Variants in UBE2W observed in about 807,000 individuals in gnomAD.
UBE2W encodes ubiquitin conjugating enzyme E2 W.
A neutral mutation model predicts 27.2 loss-of-function variants in UBE2W; 18 were observed. The observed-to-expected ratio is 0.66, with a 90% CI of 0.46 to 0.98. UBE2W has a LOEUF of 0.98. Among genes scored for constraint, UBE2W ranks in the 50% least tolerant of loss-of-function variants. The pLI is 0.00. For missense variants in UBE2W, 90 were observed against 180.2 expected (o/e 0.50, Z 2.87); for synonymous variants, 53 against 57.2 (o/e 0.93, Z 0.33).
chr8:73,810,541 G>C lies in UBE2W; in HGVS notation c.299C>G (p.Ser100Cys). 1 of 1,612,918 alleles carries C rather than the reference G, an allele frequency of 6.2e-7. No individual in the cohort carries two copies. The highest frequency in any genetic ancestry group is 8.5e-7 in the Non-Finnish European group (1 of 1,179,528). The change falls in exon 4 of 6, where the codon TCC (serine) becomes TGC (cysteine). Residue 100 changes from serine (S) to cysteine (C), a missense_variant. Transcript: ENST00000602593. ...AACTGATTGGACTGAGAGCGCTGGGGACCAGTCTTCTGTTAGAATGGATAA... is the reference window on the plus strand; with the variant it reads ...AACTGATTGGACTGAGAGCGCTGGGCACCAGTCTTCTGTTAGAATGGATAA... Reference protein sequence around the residue: ...ICLSILTEDWSPALSVQSVCL... With the variant: ...ICLSILTEDWCPALSVQSVCL...
At chr8:73,865,404 A>G (rs946053755) in intron 1 of UBE2W, among the ~76,000 whole-genome samples, 2 of 152,212 alleles carry the variant, frequency 1.3e-5, no homozygotes, top group African/African-American at 4.8e-5. Context: ...CTTGAGCCCA[A>G]GAGTTCAAGA....
At position 73,789,322 on chromosome 8, in the gene UBE2W, A is replaced by AAAAT. The variant is rs1808096350; in HGVS notation, c.*4779_*4780insATTT. The AAAAT allele has an allele frequency of 3.5e-6, 1 of 285,056 alleles. No individual in the cohort carries two copies. Among genetic ancestry groups the AAAAT allele is most frequent in the East Asian group, 1.9e-4 (1 of 5,334 alleles). 17.7% of individuals were successfully genotyped at this position (285,056 alleles called of 1,614,324 possible). On this transcript the variant is annotated 3_prime_UTR_variant, in exon 6 of 6. Coordinates refer to ENST00000602593, the MANE Select transcript of UBE2W (RefSeq NM_018299.6). ...CTCGTGTCTTTAAAAAAAAAAAAAAAAAAAAAAAAAAAAAAAAAAATTCTA... is the reference window on the plus strand; with the variant it reads ...CTCGTGTCTTTAAAAAAAAAAAAAAAAAATAAAAAAAAAAAAAAAAAAAATTCTA...
chr8:73,868,657 A>G (rs556270125), intron 1 of UBE2W, among the ~76,000 whole-genome samples: 1 of 152,174 alleles, frequency 6.6e-6, no homozygotes, highest in East Asian at 1.9e-4. Context: ...TTAGTGCCAG[A>G]AATGAACTGC....
intron 3 of UBE2W, among the ~76,000 whole-genome samples, chr8:73,820,496 A>C (rs1809563676): frequency 6.6e-6 from 1 of 152,016 alleles, no homozygotes; most frequent in South Asian, 2.1e-4. Flanking sequence ...CAGTACTTTG[A>C]CAGGCCGAGG....
intron 1 of UBE2W, among the ~76,000 whole-genome samples, chr8:73,867,409 C>T (rs1563635143): frequency 1.3e-5 from 2 of 152,226 alleles, no homozygotes; most frequent in South Asian, 4.1e-4. Flanking sequence ...GTGGCACACG[C>T]CTGTAGTCCC....
rs1276953672 is a variant in UBE2W at position 73,799,788 on chromosome 8, T to A, written c.443-5673A>T. ...TTATCCAATTCTTAGTAAGCTTTTG[T>A]TCAGTTTCTGATCTTTCTGCCTAGC... On this transcript the variant is annotated intron_variant, in intron 5 of 5. Coordinates refer to ENST00000602593, the MANE Select transcript of UBE2W (RefSeq NM_018299.6). Among the ~76,000 whole-genome samples the A allele has an allele frequency of 2.0e-5, 3 of 152,224 alleles. No homozygotes were observed. In the East Asian group the frequency reaches 5.8e-4, roughly 29 times the overall value.
intron 1 of UBE2W, among the ~76,000 whole-genome samples, chr8:73,876,352 A>G (rs963666597): frequency 5.9e-5 from 9 of 152,220 alleles, no homozygotes; most frequent in Admixed American, 5.2e-4. Context: ...TAACAAAGAT[A>G]CAGAATAACC....
downstream of UBE2W, among the ~76,000 whole-genome samples, chr8:73,785,238 C>T (rs942137264): frequency 6.6e-6 from 1 of 152,054 alleles, no homozygotes; most frequent in East Asian, 1.9e-4. Flanking sequence ...CTCTGCCTCC[C>T]GGGTTCAAGC....
chr8:73,794,228 T>C, intron 5 of UBE2W, 113 bp from the exon 6 acceptor site: 1 of 1,307,174 alleles, frequency 7.7e-7, no homozygotes, highest in Non-Finnish European at 1.1e-6. Context: ...ATAGTTTACA[T>C]GTCTGATCTG....
chr8:73,792,090 A>C lies in UBE2W; in HGVS notation c.*2012T>G, dbSNP rs1282486968. On this transcript the variant is annotated 3_prime_UTR_variant, in exon 6 of 6. Coordinates refer to ENST00000602593, the MANE Select transcript of UBE2W (RefSeq NM_018299.6). ...CCAGAAGAAGATCAAGTCAAACAGT[A>C]GTGTAGAGCAGTTACGCAAAATATG... The C allele has an allele frequency of 5.1e-6, 5 of 985,202 alleles. No individual in the cohort carries two copies. The highest frequency in any genetic ancestry group is 6.0e-6 in the Non-Finnish European group (5 of 829,824). The allele number at this position is 985,202 out of a possible 1,614,324, so 61.0% of individuals were successfully genotyped here.
chr8:73,867,350 C>G (rs753748978), intron 1 of UBE2W, among the ~76,000 whole-genome samples: 1 of 152,136 alleles, frequency 6.6e-6, no homozygotes, highest in African/African-American at 2.4e-5. Context: ...TCCTGGCCAA[C>G]ACGGTGAAAC....
At position 73,827,454 on chromosome 8, in the gene UBE2W, T is replaced by C. The variant is rs181056093; in HGVS notation, c.108-2205A>G. The stretch of plus-strand genomic sequence containing the variant: ...GTCTCGAACTCCCGAACTCGGGTGA[T>C]CTGCCCGCCTCGGCGTCCCAAAGTG... On this transcript the variant is annotated intron_variant, in intron 2 of 5. Coordinates refer to ENST00000602593, the MANE Select transcript of UBE2W (RefSeq NM_018299.6). Among the ~76,000 whole-genome samples, 20 of 152,294 alleles carry C rather than the reference T, an allele frequency of 1.3e-4. No individual in the cohort carries two copies. In the East Asian group the frequency reaches 3.9e-3, roughly 29 times the overall value.
intron 5 of UBE2W, among the ~76,000 whole-genome samples, chr8:73,798,275 T>TGA (rs1808504935): frequency 6.6e-6 from 1 of 152,198 alleles, no homozygotes; most frequent in African/African-American, 2.4e-5. Context: ...CCAGCCTAAG[T>TGA]GACAGAGTGA....
intron 1 of UBE2W, among the ~76,000 whole-genome samples, chr8:73,856,545 T>A (rs113360615): frequency 0.24 from 36,577 of 151,170 alleles, 7,512 homozygotes; most frequent in African/African-American, 0.57. Context: ...TTGTATTTTT[T>A]GTAGAGACAG....
chr8:73,805,192 G>A (rs911793284), intron 5 of UBE2W, among the ~76,000 whole-genome samples: 6 of 150,568 alleles, frequency 4.0e-5, no homozygotes, highest in Non-Finnish European at 7.4e-5. Flanking sequence ...GGTGGCTCAC[G>A]CCTGTAATCC....
intron 3 of UBE2W, among the ~76,000 whole-genome samples, chr8:73,811,166 A>C (rs963447519): frequency 1.1e-4 from 16 of 152,170 alleles, no homozygotes; most frequent in African/African-American, 3.9e-4. Context: ...GATGGGTACA[A>C]GTTACTAGCT....
At chr8:73,812,293 C>T (rs1215135531) in intron 3 of UBE2W, among the ~76,000 whole-genome samples, 6 of 151,290 alleles carry the variant, frequency 4.0e-5, no homozygotes, top group Admixed American at 1.3e-4. Flanking sequence ...CTTATCCTAC[C>T]TAATTGCAGA....
chr8:73,798,949 C>A (rs897741592), intron 5 of UBE2W, among the ~76,000 whole-genome samples: 4 of 151,814 alleles, frequency 2.6e-5, no homozygotes, highest in African/African-American at 7.3e-5. Context: ...TAACCCTATT[C>A]TCCCTGCTCA....
intron 5 of UBE2W, among the ~76,000 whole-genome samples, chr8:73,798,071 T>C (rs1028283926): frequency 6.6e-6 from 1 of 152,186 alleles, no homozygotes; most frequent in Admixed American, 6.5e-5. Flanking sequence ...GCAGATTGCT[T>C]GAGTCCAGGA....
Sources: allele counts gnomAD v4.1 joint callset (sites outside exome capture counted in the v4.1 genomes callset), GRCh38; gene constraint gnomAD v4.1.1; transcripts MANE v1.5; gene names NCBI Gene and HGNC (gene_info 2026-07-23, HGNC 2026-07-21).